SORCS3: variants seen among roughly 807,000 people sequenced by gnomAD.
SORCS3 encodes the protein VPS10 domain-containing receptor SorCS3.
A neutral mutation model predicts 146.3 loss-of-function variants in SORCS3; 57 were observed. The observed-to-expected ratio is 0.39, with a 90% confidence interval of 0.31 to 0.49. SORCS3 has a LOEUF of 0.49. Among genes scored for constraint, SORCS3 ranks in the 20% least tolerant of loss-of-function variants. The pLI is 0.92. For missense variants in SORCS3, 1,341 were observed against 1,575.5 expected (o/e 0.85, Z 2.52); for synonymous variants, 653 against 618.5 (o/e 1.06, Z -0.83).
chr10:105,069,285 A>G (rs1382839745), intron 5 of SORCS3, among the ~76,000 whole-genome samples: 1 of 152,224 alleles, frequency 6.6e-6, no homozygotes, highest in African/African-American at 2.4e-5. Context: ...AAATCCAGGA[A>G]ATCCACTTAT....
At chr10:104,949,509 C>G (rs1461160110) in intron 3 of SORCS3, among the ~76,000 whole-genome samples, 1 of 152,182 alleles carries the variant, frequency 6.6e-6, no homozygotes, top group Non-Finnish European at 1.5e-5. Context: ...TGTAACTTCC[C>G]TCTTCTACTT....
At chr10:104,998,955 C>T (rs991592171) in intron 4 of SORCS3, among the ~76,000 whole-genome samples, 5 of 151,996 alleles carry the variant, frequency 3.3e-5, no homozygotes, top group African/African-American at 7.2e-5. Flanking sequence ...TTGTCTTTAT[C>T]GTGGAAGTAT....
At chr10:104,833,153 G>T (rs535042495) in intron 1 of SORCS3, among the ~76,000 whole-genome samples, 1 of 152,180 alleles carries the variant, frequency 6.6e-6, no homozygotes, top group African/African-American at 2.4e-5. Flanking sequence ...TTTGTTAGAA[G>T]TCATGTTGTA....
intron 6 of SORCS3, among the ~76,000 whole-genome samples, chr10:105,091,214 TCCTTCCCTCCTTCCTTC>T (rs2055700786): frequency 8.0e-6 from 1 of 125,230 alleles, no homozygotes; most frequent in African/African-American, 3.0e-5. Flanking sequence ...CCTCCTTCCT[TCCTTCCCTCCTTCCTTC>T]CTTCCCTCCT....
intron 1 of SORCS3, among the ~76,000 whole-genome samples, chr10:104,779,996 C>T (rs560654951): frequency 6.6e-6 from 1 of 152,126 alleles, no homozygotes; most frequent in Non-Finnish European, 1.5e-5. Flanking sequence ...ATTAGCCATG[C>T]ACATTGCTAT....
intron 2 of SORCS3, among the ~76,000 whole-genome samples, chr10:104,884,436 G>A (rs530243254): frequency 4.6e-5 from 7 of 152,174 alleles, no homozygotes; most frequent in South Asian, 2.1e-4. Flanking sequence ...GACTTTTAGC[G>A]TTATATACAG....
chr10:105,115,405 A>G (rs2055886299), intron 7 of SORCS3, among the ~76,000 whole-genome samples: 1 of 152,208 alleles, frequency 6.6e-6, no homozygotes, highest in Admixed American at 6.5e-5. Context: ...GTGTATGCAC[A>G]TCCTCTTTTA....
At chr10:104,790,557 A>G (rs930238272) in intron 1 of SORCS3, among the ~76,000 whole-genome samples, 3 of 152,130 alleles carry the variant, frequency 2.0e-5, no homozygotes, top group African/African-American at 7.2e-5. Flanking sequence ...CCGGATGAAA[A>G]CAAATCTCTC....
intron 13 of SORCS3, among the ~76,000 whole-genome samples, chr10:105,168,447 C>T (rs191205023): frequency 3.9e-5 from 6 of 152,222 alleles, no homozygotes; most frequent in Admixed American, 2.0e-4. Context: ...AAGAATTTCA[C>T]GCTTCAGATT....
intron 24 of SORCS3, among the ~76,000 whole-genome samples, chr10:105,256,130 C>G (rs2056929986): frequency 6.6e-6 from 1 of 152,196 alleles, no homozygotes. Flanking sequence ...TTATATTGGA[C>G]AGTCCTCTAG....
chr10:105,157,384 G>C, intron 10 of SORCS3, 100 bp downstream of exon 10: 2 of 1,411,466 alleles, frequency 1.4e-6, no homozygotes, highest in Non-Finnish European at 1.9e-6. Context: ...AGGAACTCAG[G>C]TGGTGCAGAG....
At chr10:104,650,292 A>G (rs572158458) in intron 1 of SORCS3, among the ~76,000 whole-genome samples, 1 of 152,340 alleles carries the variant, frequency 6.6e-6, no homozygotes, top group South Asian at 2.1e-4. Context: ...TGCCCTGGGA[A>G]AGAAGTGAAA....
intron 1 of SORCS3, among the ~76,000 whole-genome samples, chr10:104,693,253 G>A (rs766143901): frequency 3.3e-5 from 5 of 152,282 alleles, no homozygotes; most frequent in Non-Finnish European, 5.9e-5. Context: ...GAGCTCCAGT[G>A]TATGGAATGG....
rs766957789 is a variant in SORCS3 at position 105,217,041 on chromosome 10, A to T, written c.2653A>T (p.Ser885Cys). The change falls in exon 19 of 27, where the codon AGT becomes TGT. Residue 885 changes from serine (S) to cysteine (C), a missense_variant. By Grantham distance (112) the Ser-to-Cys change is moderately radical (BLOSUM62 -1). Transcript: ENST00000369701. ...IEDGIKHVYK[S>C]AGIFQVTAYA... ...GGACGGCATCAAGCACGTGTATAAG[A>T]GTGCGGGGATCTTCCAGGTGACAGC... 6.2e-7 allele frequency: 1 copy of T among 1,614,172 alleles called. No individual in the cohort carries two copies. The highest frequency in any genetic ancestry group is 8.5e-7 in the Non-Finnish European group (1 of 1,180,022).
chr10:105,204,875 A>C (rs749261285), intron 16 of SORCS3, among the ~76,000 whole-genome samples: 1 of 152,222 alleles, frequency 6.6e-6, no homozygotes, highest in African/African-American at 2.4e-5. Flanking sequence ...AAGCATAGTG[A>C]TTTGTTAAAA....
intron 6 of SORCS3, among the ~76,000 whole-genome samples, chr10:105,097,586 C>T (rs192420028): frequency 2.0e-5 from 3 of 152,310 alleles, no homozygotes; most frequent in Admixed American, 2.0e-4. Flanking sequence ...ATTTCTTAGC[C>T]TTCCTGTGAT....
chr10:104,907,127 C>CTGTG (rs139418206), intron 2 of SORCS3, among the ~76,000 whole-genome samples: 27,753 of 147,842 alleles, frequency 0.19, 5,432 homozygotes, highest in African/African-American at 0.5. Context: ...CTGTATAGTA[C>CTGTG]TGTGTGTGTG....
intron 1 of SORCS3, among the ~76,000 whole-genome samples, chr10:104,737,256 T>C (rs2016784984): frequency 6.6e-6 from 1 of 152,172 alleles, no homozygotes; most frequent in African/African-American, 2.4e-5. Context: ...CATGTGTCTT[T>C]ATAGCAGCAT....
intron 1 of SORCS3, among the ~76,000 whole-genome samples, chr10:104,666,514 G>A (rs147425586): frequency 1.8e-4 from 27 of 152,324 alleles, no homozygotes; most frequent in Admixed American, 3.3e-4. Context: ...AGCATAAGGA[G>A]GAAGAGCTTT....
Sources: allele counts gnomAD v4.1 joint callset (sites outside exome capture counted in the v4.1 genomes callset), GRCh38; gene constraint gnomAD v4.1.1; transcripts MANE v1.5; gene names NCBI Gene and HGNC (gene_info 2026-07-23, HGNC 2026-07-21).